PPP3CA: variants seen among roughly 807,000 people sequenced by gnomAD.
PPP3CA encodes the protein protein phosphatase 3 catalytic subunit alpha, also known as CAM-PRP catalytic subunit.
PPP3CA carries 14 observed loss-of-function variants against 66.5 expected under a neutral mutation model. The observed-to-expected ratio is 0.21, with a 90% confidence interval of 0.14 to 0.33. The LOEUF is 0.33. Ranked by LOEUF, PPP3CA falls within the 10% of genes least tolerant of loss-of-function variation. PPP3CA has a pLI of 1.00. For missense variants in PPP3CA, 317 were observed against 639.5 expected, an observed-to-expected ratio of 0.50 and a Z score of 5.44; for synonymous variants, 232 against 226.2, an observed-to-expected ratio of 1.03 and a Z score of -0.23.
intron 1 of PPP3CA, among the ~76,000 whole-genome samples, chr4:101,264,776 T>TA (rs1313234145): frequency 6.6e-6 from 1 of 152,020 alleles, no homozygotes; most frequent in Non-Finnish European, 1.5e-5. Context: ...CAAATGCCTA[T>TA]AGGAGCCAGG....
chr4:101,204,581 A>G (rs974343576), intron 1 of PPP3CA, among the ~76,000 whole-genome samples: 3 of 149,008 alleles, frequency 2.0e-5, no homozygotes, highest in African/African-American at 7.6e-5. Flanking sequence ...GCATGTAGTG[A>G]GCCCAGATGG....
At chr4:101,260,197 C>T (rs1726968088) in intron 1 of PPP3CA, among the ~76,000 whole-genome samples, 1 of 152,082 alleles carries the variant, frequency 6.6e-6, no homozygotes, top group South Asian at 2.1e-4. Flanking sequence ...ATCTTGGCAT[C>T]ACAGGATTTC....
At chr4:101,204,471 C>T (rs985312003) in intron 1 of PPP3CA, among the ~76,000 whole-genome samples, 8 of 151,712 alleles carry the variant, frequency 5.3e-5, no homozygotes, top group African/African-American at 1.9e-4. Flanking sequence ...CCCATCTCTA[C>T]TAAAAATACA....
chr4:101,068,460 T>TG (rs1204856703), intron 8 of PPP3CA, among the ~76,000 whole-genome samples: 1 of 149,572 alleles, frequency 6.7e-6, no homozygotes, highest in East Asian at 1.9e-4. Flanking sequence ...TATGCTGGTA[T>TG]GCTGCATGCA....
chr4:101,067,570 A>G (rs1158023519), intron 8 of PPP3CA, among the ~76,000 whole-genome samples: 1 of 151,042 alleles, frequency 6.6e-6, no homozygotes, highest in Non-Finnish European at 1.5e-5. Flanking sequence ...ATTTCATAAG[A>G]ACATGAAAAC....
Position 101,346,840 on chromosome 4 carries a change from C to G in PPP3CA, c.-44G>C. 6.3e-7 allele frequency: 1 copy of G among 1,593,214 alleles called. No individual in the cohort carries two copies. The highest frequency in any genetic ancestry group is 8.5e-7 in the Non-Finnish European group (1 of 1,171,004). ...AGCGACGCGCTGCTCGTCCGTCCGA[C>G]TGCACACCCCGACCGGACCGGCGGG... is the stretch of plus-strand genomic sequence containing the variant. On this transcript the variant is annotated 5_prime_UTR_variant, in exon 1 of 14. Transcript: ENST00000394854.
intron 2 of PPP3CA, among the ~76,000 whole-genome samples, chr4:101,142,966 C>T (rs2102347): frequency 0.07 from 10,620 of 152,146 alleles, 947 homozygotes; most frequent in East Asian, 0.3. Flanking sequence ...AATCCCTGTG[C>T]TGATCTCACT....
chr4:101,254,986 A>C (rs191683931), intron 1 of PPP3CA, among the ~76,000 whole-genome samples: 7 of 149,336 alleles, frequency 4.7e-5, no homozygotes, highest in African/African-American at 1.7e-4. Flanking sequence ...TGAACGAAGG[A>C]TGCCTTATCA....
intron 10 of PPP3CA, among the ~76,000 whole-genome samples, chr4:101,048,302 C>T (rs1727855480): frequency 6.6e-6 from 1 of 152,058 alleles, no homozygotes; most frequent in African/African-American, 2.4e-5. Context: ...TTTAACTCCT[C>T]TTGAAATGTC....
chr4:101,178,726 T>C (rs1724142114), intron 2 of PPP3CA, among the ~76,000 whole-genome samples: 1 of 152,148 alleles, frequency 6.6e-6, no homozygotes, highest in African/African-American at 2.4e-5. Flanking sequence ...GGTCCCTTTC[T>C]AGAAATAAGC....
intron 1 of PPP3CA, among the ~76,000 whole-genome samples, chr4:101,254,987 T>C (rs1441641925): frequency 6.9e-6 from 1 of 145,340 alleles, no homozygotes; most frequent in Non-Finnish European, 1.5e-5. Context: ...GAACGAAGGA[T>C]GCCTTATCAT....
chr4:101,180,066 G>A (rs545581628), intron 2 of PPP3CA, among the ~76,000 whole-genome samples: 116 of 152,270 alleles, frequency 7.6e-4, no homozygotes, highest in African/African-American at 2.7e-3. Flanking sequence ...AAAGTTATAT[G>A]TGCAAGTTGG....
At position 101,257,256 on chromosome 4, in the gene PPP3CA, A is replaced by G. The variant is rs114068126; in HGVS notation, c.59-61140T>C. Among the ~76,000 whole-genome samples, 364 of 152,054 alleles carry G rather than the reference A, an allele frequency of 2.4e-3. 5 individuals carry two copies. The highest frequency in any genetic ancestry group is 8.3e-3 in the African/African-American group (343 of 41,480). On this transcript the variant is annotated intron_variant, in intron 1 of 13. Coordinates refer to ENST00000394854, the MANE Select transcript of PPP3CA (RefSeq NM_000944.5). ...ATATTAAAGTTCCAAAAGGAAAAAT[A>G]TTAAAGAAATGGGTTGGTTAGTTAC...
chr4:101,300,868 ATC>A (rs1187766734), intron 1 of PPP3CA, among the ~76,000 whole-genome samples: 1 of 152,090 alleles, frequency 6.6e-6, no homozygotes, highest in African/African-American at 2.4e-5. Context: ...AAATAATAAT[ATC>A]TCTGAATAAT....
At chr4:101,057,907 G>C (rs552899027) in intron 10 of PPP3CA, among the ~76,000 whole-genome samples, 3 of 152,172 alleles carry the variant, frequency 2.0e-5, no homozygotes, top group East Asian at 3.9e-4. Context: ...TCAGGCAGAA[G>C]GATCTTTTCT....
At chr4:101,029,814 G>T (rs887055185) in intron 12 of PPP3CA, among the ~76,000 whole-genome samples, 4 of 149,694 alleles carry the variant, frequency 2.7e-5, no homozygotes, top group Non-Finnish European at 5.9e-5. Flanking sequence ...TAGATCTGGG[G>T]GTCGGTGGGT....
At chr4:101,263,142 T>C (rs1250782021) in intron 1 of PPP3CA, among the ~76,000 whole-genome samples, 3 of 152,196 alleles carry the variant, frequency 2.0e-5, no homozygotes, top group Non-Finnish European at 4.4e-5. Context: ...TTCAATCTTA[T>C]CAAGAAAAAA....
intron 2 of PPP3CA, among the ~76,000 whole-genome samples, chr4:101,173,865 G>T (rs1327960429): frequency 2.0e-5 from 3 of 152,016 alleles, no homozygotes; most frequent in African/African-American, 7.3e-5. Flanking sequence ...AGTCTAGGCA[G>T]CAGAGCAAGA....
chr4:101,124,779 GAAA>G (rs1722188354), intron 2 of PPP3CA, among the ~76,000 whole-genome samples: 1 of 128,616 alleles, frequency 7.8e-6, no homozygotes, highest in African/African-American at 3.4e-5. Context: ...AAGAAAGAAA[GAAA>G]GAAAGAAAGA....
Sources: allele counts gnomAD v4.1 joint callset (sites outside exome capture counted in the v4.1 genomes callset), GRCh38; gene constraint gnomAD v4.1.1; transcripts MANE v1.5; gene names NCBI Gene and HGNC (gene_info 2026-07-23, HGNC 2026-07-21).